Variants in SNUPN observed in about 807,000 individuals in gnomAD.
The protein encoded by SNUPN is snurportin 1.
SNUPN carries 31 observed loss-of-function variants against 39.2 expected under a neutral mutation model. The observed-to-expected ratio is 0.79, with a 90% CI of 0.59 to 1.07. The LOEUF (loss-of-function observed/expected upper bound fraction) is 1.07, where lower values mean the gene tolerates loss of function less well. Among genes scored for constraint, SNUPN ranks in the 50% least tolerant of loss-of-function variants. The probability of loss-of-function intolerance (pLI) is 0.00; values close to 1 mark genes in which losing one functional copy is unlikely to be tolerated. For synonymous variants in SNUPN, 132 were observed against 159.0 expected, an observed-to-expected ratio of 0.83 and a Z score of 1.28; for missense variants, 382 against 434.2, an observed-to-expected ratio of 0.88 and a Z score of 1.07.
intron 7 of SNUPN, among the ~76,000 whole-genome samples, chr15:75,604,007 A>G (rs765775305): frequency 7.9e-5 from 12 of 152,122 alleles, no homozygotes; most frequent in Non-Finnish European, 1.6e-4. Context: ...TCAGTGAGAT[A>G]ATATACATAG....
rs369894216 is a variant in SNUPN, at chr15:75,609,968, G to A, written c.330C>T (p.Asp110=). The change falls in exon 4 of 9, where the codon GAC becomes GAT. Residue 110 remains aspartate (D), a synonymous_variant. Transcript: ENST00000308588. The stretch of plus-strand genomic sequence containing the variant: ...ATTCCTGCCCCAAATCTGAAGGAAC[G>A]TCAATTAACCACTCAGAAAGCATCA... ...NQLMLSEWLI[D]VPSDLGQEWI... is the part of the protein sequence containing the mutation. 33 of 1,614,014 alleles carry A rather than the reference G, an allele frequency of 2.0e-5. No homozygotes were observed. Among genetic ancestry groups the A allele is most frequent in the Middle Eastern group, 3.3e-4 (2 of 6,062 alleles).
At chr15:75,606,135 A>G (rs1435714540) in intron 6 of SNUPN, among the ~76,000 whole-genome samples, 1 of 151,990 alleles carries the variant, frequency 6.6e-6, no homozygotes, top group Non-Finnish European at 1.5e-5. Context: ...ACAGAGCGAG[A>G]CTCCGTCTCA....
chr15:75,604,725 T>A (rs975207502), intron 7 of SNUPN, among the ~76,000 whole-genome samples: 1 of 152,236 alleles, frequency 6.6e-6, no homozygotes, highest in African/African-American at 2.4e-5. Flanking sequence ...AAATTTTTTT[T>A]AGTCTTTTTT....
At chr15:75,601,114 C>A (rs1288892374) in intron 8 of SNUPN, 24 bp downstream of exon 8, 1 of 1,527,688 alleles carries the variant, frequency 6.5e-7, no homozygotes, top group Non-Finnish European at 9.1e-7. Flanking sequence ...CATGTCAAGG[C>A]AATAAAGACA....
intron 3 of SNUPN, among the ~76,000 whole-genome samples, chr15:75,610,331 C>A (rs1892747515): frequency 6.7e-6 from 1 of 149,022 alleles, no homozygotes; most frequent in African/African-American, 2.5e-5. Flanking sequence ...ACCTGGGAGG[C>A]AGAGGTTGCA....
chr15:75,601,054 A>C, intron 8 of SNUPN, 84 bp downstream of exon 8: 2 of 1,004,514 alleles, frequency 2.0e-6, no homozygotes, highest in Middle Eastern at 4.1e-4. Context: ...CAGCACAATC[A>C]AGGAATATTT....
chr15:75,598,348 G>C lies in SNUPN; in HGVS notation c.*10C>G, dbSNP rs1128585. 5 of 1,604,718 alleles carry C rather than the reference G, an allele frequency of 3.1e-6. No homozygotes were observed. In the African/African-American group the frequency reaches 4.0e-5, roughly 13 times the overall value. Reference sequence around the variant, plus strand: ...TACCATCCTGTGGCTCCTTAAGGAGGCTTCTCTCTTTAATTCTCCATGAGG... The same window carrying C: ...TACCATCCTGTGGCTCCTTAAGGAGCCTTCTCTCTTTAATTCTCCATGAGG... On this transcript the variant is annotated 3_prime_UTR_variant, in exon 9 of 9. Transcript: ENST00000308588.
intron 7 of SNUPN, among the ~76,000 whole-genome samples, chr15:75,604,447 C>T (rs533173238): frequency 6.6e-4 from 101 of 152,310 alleles, no homozygotes; most frequent in African/African-American, 2.4e-3. Context: ...CAGGCGTGAG[C>T]CACGGCGCCT....
At chr15:75,606,939 G>T (rs1276058894) in intron 6 of SNUPN, among the ~76,000 whole-genome samples, 1 of 152,020 alleles carries the variant, frequency 6.6e-6, no homozygotes, top group Non-Finnish European at 1.5e-5. Flanking sequence ...TAAGGGGGTG[G>T]GTGCAGCTGC....
At chr15:75,624,818 G>C (rs1893177429) in intron 1 of SNUPN, 2 of 1,012,566 alleles carry the variant, frequency 2.0e-6, no homozygotes, top group Non-Finnish European at 2.7e-6. Context: ...TGTTGCCCAG[G>C]CTGGAGTGCA....
intron 7 of SNUPN, among the ~76,000 whole-genome samples, chr15:75,603,041 G>A (rs2075301582): frequency 6.6e-6 from 1 of 150,560 alleles, no homozygotes; most frequent in Non-Finnish European, 1.5e-5. Flanking sequence ...GAGTCACTGT[G>A]CCTGGCCCAG....
intron 3 of SNUPN, among the ~76,000 whole-genome samples, chr15:75,615,952 C>T (rs1246528650): frequency 6.6e-6 from 1 of 152,030 alleles, no homozygotes; most frequent in Non-Finnish European, 1.5e-5. Context: ...TACACCTATT[C>T]TAGGAGCACA....
chr15:75,611,346 G>A (rs1161989207), intron 3 of SNUPN, among the ~76,000 whole-genome samples: 4 of 149,976 alleles, frequency 2.7e-5, no homozygotes, highest in South Asian at 2.1e-4. Context: ...TGCGCCTCCC[G>A]GGTTCACGCC....
chr15:75,619,278 G>A (rs1453111090), intron 2 of SNUPN, among the ~76,000 whole-genome samples: 6 of 148,902 alleles, frequency 4.0e-5, no homozygotes, highest in African/African-American at 1.2e-4. Context: ...CAGCCTGGGA[G>A]ATAGAGTCAA....
chr15:75,617,499 G>A lies in SNUPN; in HGVS notation c.212C>T (p.Thr71Ile), dbSNP rs1446016025. ...HARRLAEDDW[T>I]GMESEEENKK... is the part of the protein sequence containing the mutation. Reference sequence around the variant, plus strand: ...ATTTTCTTCCTCACTCTCCATCCCTGTCCAGTCATCTTCAGCCAGTCTTCT... The same window carrying A: ...ATTTTCTTCCTCACTCTCCATCCCTATCCAGTCATCTTCAGCCAGTCTTCT... Residue 71 changes from threonine to isoleucine, a missense_variant, in exon 3 of 9, where the codon ACA (threonine) becomes ATA (isoleucine). Coordinates refer to ENST00000308588, the MANE Select transcript of SNUPN (RefSeq NM_005701.4). 4.3e-6 allele frequency: 7 copies of A among 1,613,118 alleles called. No homozygotes were observed. In the East Asian group the frequency reaches 8.9e-5, roughly 21 times the overall value.
chr15:75,600,051 G>A (rs1375435772), intron 8 of SNUPN, among the ~76,000 whole-genome samples: 4 of 151,964 alleles, frequency 2.6e-5, no homozygotes, highest in Admixed American at 2.6e-4. Context: ...TCACCATGTT[G>A]GCGAGGCTGG....
At chr15:75,603,793 G>A (rs1440894840) in intron 7 of SNUPN, among the ~76,000 whole-genome samples, 1 of 152,096 alleles carries the variant, frequency 6.6e-6, no homozygotes, top group Non-Finnish European at 1.5e-5. Context: ...CTAATAAAGG[G>A]CTAGTGAAAT....
chr15:75,601,310 C>T (rs1488020740), intron 7 of SNUPN, 92 bp from the exon 8 acceptor site: 3 of 880,076 alleles, frequency 3.4e-6, no homozygotes, highest in South Asian at 2.7e-5. Flanking sequence ...CATAGTGGCT[C>T]ACACCTGTAA....
At chr15:75,600,922 A>C (rs1034333020) in intron 8 of SNUPN, 1 of 481,770 alleles carries the variant, frequency 2.1e-6, no homozygotes, top group Non-Finnish European at 3.8e-6. Flanking sequence ...CGAGCTGTCC[A>C]TTAAGGGCCC....
Sources: gnomAD v4.1 joint callset for allele counts (sites outside exome capture counted in the v4.1 genomes callset) on GRCh38, gnomAD v4.1.1 for gene constraint, MANE v1.5 for transcripts, NCBI Gene and HGNC (gene_info 2026-07-23, HGNC 2026-07-21) for gene names.